RTL1: variants seen among roughly 807,000 people sequenced by gnomAD.
RTL1 encodes the protein retrotransposon-like protein 1.
For synonymous variants in RTL1, 727 were observed against 748.4 expected (o/e 0.97, Z 0.47); for missense variants, 1,681 against 1,767.5 (o/e 0.95, Z 0.88).
rs771425935 is a variant in RTL1 at position 100,881,767 on chromosome 14, TC to T, written c.3021del (p.Asn1008ThrfsTer46). 1 of 1,613,622 alleles carries T rather than the reference TC, an allele frequency of 6.2e-7. No individual in the cohort carries two copies. Among genetic ancestry groups the T allele is most frequent in the South Asian group, 1.1e-5 (1 of 91,056 alleles). Reference sequence around the variant, plus strand: ...AGCAGGGTTTGCCTGGCGGCAGTGTTCCTCTGGAAGGCTCTCCTCCACCGGA... The same window carrying T: ...AGCAGGGTTTGCCTGGCGGCAGTGTTCTCTGGAAGGCTCTCCTCCACCGGA... ...RNLRWRRAFQ[R>X]NTAARQTLLL... On this transcript the variant is annotated frameshift_variant, in exon 4 of 4. Transcript: ENST00000649591. LOFTEE classifies it low-confidence loss of function (END_TRUNC). The surrounding 1 kb of genome is among the most constrained non-coding windows in gnomAD (Gnocchi z 6.6).
intron 2 of RTL1, among the ~76,000 whole-genome samples, chr14:100,895,502 T>C (rs910114291): frequency 1.3e-5 from 2 of 152,124 alleles, no homozygotes; most frequent in Non-Finnish European, 2.9e-5. Context: ...AGGCACTTAT[T>C]TTAGGTGGAT....
At chr14:100,897,884 G>A in intron 2 of RTL1, 1 of 494,028 alleles carries the variant, frequency 2.0e-6, no homozygotes. Flanking sequence ...ATGAATATAT[G>A]AGTGCATAAA....
rs1383674314 is a variant in RTL1, at chr14:100,881,888, G to A, written c.2901C>T (p.Pro967=). 4 of 1,613,502 alleles carry A rather than the reference G, an allele frequency of 2.5e-6. No homozygotes were observed. The highest frequency in any genetic ancestry group is 1.3e-5 in the African/African-American group (1 of 74,910). Residue 967 remains proline (P), a synonymous_variant, in exon 4 of 4, where the codon CCC becomes CCT. Coordinates refer to ENST00000649591, the MANE Select transcript of RTL1 (RefSeq NM_001134888.3). The surrounding 1 kb of genome is among the most constrained non-coding windows in gnomAD (Gnocchi z 6.6). ...LNNDRLTVLL[P]GHWVFFFSHF... is the part of the protein sequence containing the mutation. ...GGGAGAAGAAGAAGACCCAATGCCC[G>A]GGGAGAAGTACGGTGAGCCTGTCAT...
chr14:100,888,253 A>G (rs2038720664), intron 3 of RTL1, among the ~76,000 whole-genome samples: 2 of 152,192 alleles, frequency 1.3e-5, no homozygotes, highest in Non-Finnish European at 2.9e-5. Flanking sequence ...TATCATCTTT[A>G]TCATAGAGAT....
At chr14:100,890,674 A>G (rs561601141) in intron 3 of RTL1, among the ~76,000 whole-genome samples, 59 of 152,266 alleles carry the variant, frequency 3.9e-4, no homozygotes, top group African/African-American at 1.4e-3. Context: ...CTGGGCTGCC[A>G]GGATGGGTGT....
chr14:100,894,827 G>A (rs1331013623), intron 2 of RTL1: 2 of 152,270 alleles, frequency 1.3e-5, no homozygotes, highest in African/African-American at 4.8e-5. Context: ...TTGCAAATTT[G>A]TAGATTCTTT....
chr14:100,882,728 T>C lies in RTL1; in HGVS notation c.2061A>G (p.Lys687=). ...VNGHRTEDVW[K]AAFGLELEEM... ...CTTCAAGCTCCAAACCAAACGCTGCTTTCCACACATCTTCGGTGCGGTGCC... is the reference window on the plus strand; with the variant it reads ...CTTCAAGCTCCAAACCAAACGCTGCCTTCCACACATCTTCGGTGCGGTGCC... Residue 687 remains lysine (K), a synonymous_variant, in exon 4 of 4, where the codon AAA becomes AAG. Coordinates refer to ENST00000649591, the MANE Select transcript of RTL1 (RefSeq NM_001134888.3). 1 of 1,552,016 alleles carries C rather than the reference T, an allele frequency of 6.4e-7. No individual in the cohort carries two copies. The highest frequency in any genetic ancestry group is 8.7e-7 in the Non-Finnish European group (1 of 1,147,072).
rs1211083416 is a variant in RTL1 at position 100,880,229 on chromosome 14, C to T, written c.*483G>A. Among the ~76,000 whole-genome samples, 6 of 67,770 alleles carry T rather than the reference C, an allele frequency of 8.9e-5. No individual in the cohort carries two copies. The highest frequency in any genetic ancestry group is 3.3e-4 in the East Asian group (1 of 3,034). 44.5% of individuals were successfully genotyped at this position (67,770 alleles called of 152,430 possible). A position where few individuals can be genotyped will look rare whatever the true frequency, so the allele number is the denominator to read the frequency against. On this transcript the variant is annotated 3_prime_UTR_variant, in exon 4 of 4. Transcript: ENST00000649591. The stretch of plus-strand genomic sequence containing the variant: ...GGGGATGGGGGTTGGGGGGCGGGGG[C>T]GGGAGCTCAGGGGAGCAGGAGCACC...
rs774531966 is a variant in RTL1 at position 100,881,865 on chromosome 14, GAGA to G, written c.2921_2923del (p.Phe974del). On this transcript the variant is annotated inframe_deletion, in exon 4 of 4. Coordinates refer to ENST00000649591, the MANE Select transcript of RTL1 (RefSeq NM_001134888.3). This position sits in a 1 kb window ranked among gnomAD's most constrained non-coding sequence, Gnocchi z 6.6. ...CTCCATGACGTCAAAGTTGAAGTGG[GAGA>G]AGAAGAAGACCCAATGCCCGGGGAG... 4.8e-5 allele frequency: 78 copies of G among 1,613,748 alleles called. No homozygotes were observed. Among genetic ancestry groups the G allele is most frequent in the East Asian group, 2.2e-4 (10 of 44,864 alleles).
intron 2 of RTL1, chr14:100,898,967 C>G (rs1272274750): frequency 2.0e-5 from 3 of 152,272 alleles, no homozygotes; most frequent in Non-Finnish European, 4.4e-5. Flanking sequence ...GAGCCCTGGG[C>G]TCCCCCAGTG....
intron 2 of RTL1, among the ~76,000 whole-genome samples, chr14:100,897,292 G>A (rs2038871442): frequency 6.6e-6 from 1 of 152,012 alleles, no homozygotes; most frequent in East Asian, 1.9e-4. Context: ...CAACCCACAG[G>A]CGAACAAGCA....
chr14:100,898,166 G>C (rs2140057740), intron 2 of RTL1: 1 of 185,820 alleles, frequency 5.4e-6, no homozygotes, highest in South Asian at 9.3e-5. Context: ...GTGGGTCACA[G>C]ATTCATAGGT....
intron 3 of RTL1, among the ~76,000 whole-genome samples, chr14:100,885,722 C>T (rs1482986631): frequency 6.6e-6 from 1 of 152,130 alleles, no homozygotes; most frequent in African/African-American, 2.4e-5. Context: ...ACAATCTCCA[C>T]TCTCCCAGGA....
chr14:100,896,055 A>T (rs1382012115), intron 2 of RTL1, among the ~76,000 whole-genome samples: 1 of 151,068 alleles, frequency 6.6e-6, no homozygotes, highest in African/African-American at 2.4e-5. Flanking sequence ...CCTGGGTGAC[A>T]GCAAGACTCC....
At position 100,883,662 on chromosome 14, in the gene RTL1, G is replaced by A; in HGVS notation, c.1127C>T (p.Pro376Leu). 1 of 1,551,604 alleles carries A rather than the reference G, an allele frequency of 6.4e-7. No individual in the cohort carries two copies. Among genetic ancestry groups the A allele is most frequent in the Non-Finnish European group, 8.7e-7 (1 of 1,146,992 alleles). Residue 376 changes from proline (P) to leucine (L), a missense_variant, in exon 4 of 4, where the codon CCC (proline) becomes CTC (leucine). Transcript: ENST00000649591. This position sits in a 1 kb window ranked among gnomAD's most constrained non-coding sequence, Gnocchi z 5.9. ...TGAGTCGATCCAGGTCAGGTTCCGG[G>A]GGCGGGCCTCGGGGGGCAGCCTGAG... ...AMLRLPPEAR[P>L]RNLTWIDSPA...
chr14:100,883,356 G>A lies in RTL1; in HGVS notation c.1433C>T (p.Pro478Leu). The A allele has an allele frequency of 1.9e-6, 3 of 1,551,414 alleles. No homozygotes were observed. The highest frequency in any genetic ancestry group is 2.6e-6 in the Non-Finnish European group (3 of 1,146,874). The change falls in exon 4 of 4, where the codon CCC becomes CTC. Residue 478 changes from proline (P) to leucine (L), a missense_variant. Pro to Leu is a moderately conservative substitution (Grantham distance 98, BLOSUM62 -3). Coordinates refer to ENST00000649591, the MANE Select transcript of RTL1 (RefSeq NM_001134888.3). This position sits in a 1 kb window ranked among gnomAD's most constrained non-coding sequence, Gnocchi z 5.9. ...GTGGTTCTGGTGGATACACACCAGG[G>A]GCTCCGTGTAGAGCCAGACAGGCTC... is the stretch of plus-strand genomic sequence containing the variant. ...GNEPVWLYTE[P>L]LVCIHQNHQE...
At chr14:100,900,197 TAC>T (rs1462722105) in intron 2 of RTL1, among the ~76,000 whole-genome samples, 1 of 152,248 alleles carries the variant, frequency 6.6e-6, no homozygotes, top group Non-Finnish European at 1.5e-5. Flanking sequence ...GAACAGTGGT[TAC>T]AGTCTCCAGA....
At chr14:100,885,383 T>C (rs1445140893) in intron 3 of RTL1, among the ~76,000 whole-genome samples, 1 of 152,216 alleles carries the variant, frequency 6.6e-6, no homozygotes, top group African/African-American at 2.4e-5. Context: ...CAAAGATGCC[T>C]ACTGTTTCAC....
In RTL1 at chr14:100,881,266, G is replaced by A. The variant is rs1181083648; in HGVS notation, c.3523C>T (p.Arg1175Ter). Residue 1175 changes from arginine (R) to a stop codon, truncating the protein, a stop_gained, in exon 4 of 4, where the codon CGA (arginine) becomes TGA (stop). Coordinates refer to ENST00000649591, the MANE Select transcript of RTL1 (RefSeq NM_001134888.3). LOFTEE classifies it low-confidence loss of function (END_TRUNC). This position sits in a 1 kb window ranked among gnomAD's most constrained non-coding sequence, Gnocchi z 6.6. ...TGGGCCTGGGAGTGCAGAGCATTTC[G>A]CTGCCAGCGGCCAGGGCCCAGGAAC... ...ELFLGPGRWQ[R>*]NALHSQAHRG... is the part of the protein sequence containing the mutation. 3 of 1,550,052 alleles carry A rather than the reference G, an allele frequency of 1.9e-6. No individual in the cohort carries two copies. The highest frequency in any genetic ancestry group is 2.4e-5 in the East Asian group (1 of 40,872).
Sources: allele counts gnomAD v4.1 joint callset (sites outside exome capture counted in the v4.1 genomes callset), GRCh38; gene constraint gnomAD v4.1.1; non-coding constraint Gnocchi (gnomAD v3.1); transcripts MANE v1.5; gene names NCBI Gene and HGNC (gene_info 2026-07-23, HGNC 2026-07-21).